COLEC12: variants seen among roughly 807,000 people sequenced by gnomAD.
The protein encoded by COLEC12 is collectin subfamily member 12.
Under a neutral mutation model 71.1 loss-of-function variants are expected in COLEC12, and 33 were observed. That is an observed-to-expected ratio of 0.46 (90% confidence interval 0.35 to 0.62). The LOEUF (loss-of-function observed/expected upper bound fraction) is 0.62. Among genes scored for constraint, COLEC12 ranks in the 20% least tolerant of loss-of-function variants. The pLI is 0.00. For synonymous variants in COLEC12, 350 were observed against 353.0 expected (o/e 0.99, Z 0.10); for missense variants, 765 against 916.1 (o/e 0.84, Z 2.13).
chr18:419,980 G>A (rs1916064404), intron 2 of COLEC12, among the ~76,000 whole-genome samples: 1 of 152,200 alleles, frequency 6.6e-6, no homozygotes, highest in Admixed American at 6.5e-5. Flanking sequence ...CCCTGAGGCT[G>A]CCATGCTGGA....
At chr18:486,307 T>G (rs1255411039) in intron 1 of COLEC12, among the ~76,000 whole-genome samples, 1 of 152,124 alleles carries the variant, frequency 6.6e-6, no homozygotes, top group Non-Finnish European at 1.5e-5. Flanking sequence ...CACCTCAGCC[T>G]CAGAGTAGCT....
chr18:441,290 T>C (rs1186849897), intron 2 of COLEC12, among the ~76,000 whole-genome samples: 1 of 152,030 alleles, frequency 6.6e-6, no homozygotes, highest in Non-Finnish European at 1.5e-5. Flanking sequence ...TAAAGTGCTA[T>C]ACGGACTGTA....
intron 2 of COLEC12, among the ~76,000 whole-genome samples, chr18:357,881 A>G (rs917244978): frequency 6.6e-6 from 1 of 152,194 alleles, no homozygotes; most frequent in Non-Finnish European, 1.5e-5. Flanking sequence ...ATGGACTGGT[A>G]CCAGTCTGGT....
Position 320,603 on chromosome 18 carries a change from C to A in COLEC12, c.2210-539G>T, listed in dbSNP as rs929590720. Among the ~76,000 whole-genome samples the A allele has an allele frequency of 5.3e-5, 8 of 152,188 alleles. No homozygotes were observed. The East Asian group carries it at 5.8e-4, about 11-fold the overall frequency. ...AACAGCTTTATTGAAATATAATTGA[C>A]AAATTGTATAATTCACCCATTTAAA... On this transcript the variant is annotated intron_variant, in intron 9 of 9. Transcript: ENST00000400256.
In COLEC12 at chr18:442,185, C is replaced by T. The variant is rs115236208; in HGVS notation, c.58+38522G>A. Among the ~76,000 whole-genome samples the T allele has an allele frequency of 3.3e-3, 498 of 151,872 alleles. 4 individuals carry two copies. The highest frequency in any genetic ancestry group is 0.012 in the African/African-American group (479 of 41,204). Reference sequence around the variant, plus strand: ...CAGAAAATGACACAGAGAGAAAAGACGAAGTTACAGAGGTGTGAAATAAAG... The same window carrying T: ...CAGAAAATGACACAGAGAGAAAAGATGAAGTTACAGAGGTGTGAAATAAAG... On this transcript the variant is annotated intron_variant, in intron 2 of 9. Transcript: ENST00000400256.
chr18:376,160 A>T (rs1250102203), intron 2 of COLEC12, among the ~76,000 whole-genome samples: 1 of 152,130 alleles, frequency 6.6e-6, no homozygotes, highest in African/African-American at 2.4e-5. Flanking sequence ...TTCTGGAACA[A>T]CCTCAAAACC....
chr18:411,707 C>T (rs1288149749), intron 2 of COLEC12, among the ~76,000 whole-genome samples: 1 of 152,208 alleles, frequency 6.6e-6, no homozygotes, highest in Non-Finnish European at 1.5e-5. Flanking sequence ...ACATCTGAGA[C>T]ATGCCTGGGA....
At position 357,529 on chromosome 18, in the gene COLEC12, G is replaced by C. The variant is rs987719966; in HGVS notation, c.59-7C>G. On this transcript the variant is annotated splice_polypyrimidine_tract_variant and splice_region_variant and intron_variant, in intron 2 of 9. Transcript: ENST00000400256. ...TGTGTTCCTTCCTGAATACCTGTAA[G>C]AGAAGTCAAATTTTAATAACAGTAA... The C allele has an allele frequency of 3.9e-6, 6 of 1,519,124 alleles. No individual in the cohort carries two copies. Among genetic ancestry groups the C allele is most frequent in the African/African-American group, 1.4e-5 (1 of 71,202 alleles). 94.1% of individuals were successfully genotyped at this position (1,519,124 alleles called of 1,614,324 possible).
intron 2 of COLEC12, among the ~76,000 whole-genome samples, chr18:416,094 T>C (rs1915980131): frequency 2.6e-5 from 4 of 152,238 alleles, no homozygotes; most frequent in Non-Finnish European, 5.9e-5. Flanking sequence ...TGTGGGGAGA[T>C]GACTCAACTT....
At chr18:323,098 A>ATG (rs1913752607) in intron 8 of COLEC12, among the ~76,000 whole-genome samples, 1 of 152,110 alleles carries the variant, frequency 6.6e-6, no homozygotes, top group Admixed American at 6.5e-5. Flanking sequence ...GGTGGCAGGC[A>ATG]CCTGTAGTCC....
At chr18:442,002 TACAC>T (rs56024245) in intron 2 of COLEC12, among the ~76,000 whole-genome samples, 7,968 of 120,442 alleles carry the variant, frequency 0.066, 274 homozygotes, top group Middle Eastern at 0.12. Flanking sequence ...TCTCTCTCTC[TACAC>T]ACACACACAC....
chr18:336,384 G>A (rs1914119692), intron 5 of COLEC12, among the ~76,000 whole-genome samples: 1 of 152,170 alleles, frequency 6.6e-6, no homozygotes, highest in East Asian at 1.9e-4. Context: ...GAGAAAAAAG[G>A]TATGTGGACC....
intron 2 of COLEC12, among the ~76,000 whole-genome samples, chr18:426,958 A>G (rs1014756472): frequency 6.6e-6 from 1 of 152,180 alleles, no homozygotes; most frequent in Non-Finnish European, 1.5e-5. Context: ...ATGGAACTAA[A>G]TAACTTCCTA....
rs1483326835 is a variant in COLEC12, at chr18:317,388, C to A, written c.*2657G>T. On this transcript the variant is annotated 3_prime_UTR_variant, in exon 10 of 10. Transcript: ENST00000400256. ...AAAATTAGAACATTTTCAAAGCTTG[C>A]GTCTGAATCCTGTCTCACTACTCAG... 1 of 152,150 alleles carries A rather than the reference C, an allele frequency of 6.6e-6. No homozygotes were observed. The highest frequency in any genetic ancestry group is 2.4e-5 in the African/African-American group (1 of 41,422). The allele number at this position is 152,150 out of a possible 1,614,324, so 9.4% of individuals were successfully genotyped here.
chr18:369,354 G>A (rs1007697960), intron 2 of COLEC12, among the ~76,000 whole-genome samples: 16 of 148,492 alleles, frequency 1.1e-4, no homozygotes, highest in African/African-American at 3.2e-4. Flanking sequence ...ATGAAGCATC[G>A]TTCCTTTCCT....
At chr18:370,272 T>C (rs989118037) in intron 2 of COLEC12, among the ~76,000 whole-genome samples, 2 of 152,230 alleles carry the variant, frequency 1.3e-5, no homozygotes, top group Admixed American at 6.5e-5. Context: ...AAAATACATA[T>C]ATAATTTCAT....
At chr18:472,678 C>CAAAAAAAAAAAA (rs765169609) in intron 2 of COLEC12, among the ~76,000 whole-genome samples, 6 of 93,678 alleles carry the variant, frequency 6.4e-5, no homozygotes, top group Admixed American at 1.3e-4. Context: ...GGCCCTGTGA[C>CAAAAAAAAAAAA]AAAAAAAAAA....
chr18:360,301 GC>G (rs1479575428), intron 2 of COLEC12, among the ~76,000 whole-genome samples: 4 of 151,724 alleles, frequency 2.6e-5, no homozygotes, highest in Admixed American at 6.6e-5. Flanking sequence ...TCCTGCCTCA[GC>G]CTCCCGAGTA....
At chr18:334,673 G>T in intron 6 of COLEC12, 69 bp downstream of exon 6, 1 of 1,328,104 alleles carries the variant, frequency 7.5e-7, no homozygotes, top group Non-Finnish European at 9.9e-7. Context: ...GCCACACACT[G>T]GGGGTTGGCT....
Sources: allele counts gnomAD v4.1 joint callset (sites outside exome capture counted in the v4.1 genomes callset), GRCh38; gene constraint gnomAD v4.1.1; transcripts MANE v1.5; gene names NCBI Gene and HGNC (gene_info 2026-07-23, HGNC 2026-07-21).